EYS: variants seen among roughly 807,000 people sequenced by gnomAD.
EYS encodes the protein protein eyes shut homolog.
EYS carries 250 observed loss-of-function variants against 282.1 expected under a neutral mutation model. That is an observed-to-expected ratio of 0.89 (90% CI 0.80 to 0.98). The LOEUF (loss-of-function observed/expected upper bound fraction) is 0.98. Among genes scored for constraint, EYS ranks in the 50% least tolerant of loss-of-function variants. The probability of loss-of-function intolerance (pLI) is 0.00; values close to 1 mark genes in which losing one functional copy is unlikely to be tolerated. For missense variants in EYS, 4,016 were observed against 3,709.0 expected, an observed-to-expected ratio of 1.08 and a Z score of -2.15; for synonymous variants, 1,355 against 1,282.9, an observed-to-expected ratio of 1.06 and a Z score of -1.20.
At chr6:64,107,285 TTATATA>T (rs55756711) in intron 31 of EYS, among the ~76,000 whole-genome samples, 4,945 of 101,456 alleles carry the variant, frequency 0.049, 163 homozygotes, top group African/African-American at 0.063. Context: ...ATATATATAT[TTATATA>T]TATATATATA....
intron 12 of EYS, among the ~76,000 whole-genome samples, chr6:65,229,087 T>C (rs1387380670): frequency 6.6e-6 from 1 of 151,876 alleles, no homozygotes; most frequent in African/African-American, 2.4e-5. Flanking sequence ...GCAAAGAAAC[T>C]GGTAGAAGAA....
At chr6:65,665,673 T>C (rs1768172144) in intron 1 of EYS, among the ~76,000 whole-genome samples, 2 of 152,084 alleles carry the variant, frequency 1.3e-5, no homozygotes, top group South Asian at 4.1e-4. Flanking sequence ...AATTAATAGA[T>C]TCTTAAATAA....
intron 30 of EYS, among the ~76,000 whole-genome samples, chr6:64,243,807 A>G (rs533241864): frequency 5.3e-5 from 8 of 152,212 alleles, no homozygotes; most frequent in Non-Finnish European, 8.8e-5. Context: ...TACATGATGT[A>G]ACTCAGGAAT....
At chr6:63,970,792 A>C (rs1170086413) in intron 35 of EYS, among the ~76,000 whole-genome samples, 4 of 152,128 alleles carry the variant, frequency 2.6e-5, no homozygotes, top group African/African-American at 9.7e-5. Context: ...CTTCATTTTA[A>C]TCCACTTATT....
intron 30 of EYS, among the ~76,000 whole-genome samples, chr6:64,270,565 A>G (rs1767909466): frequency 6.6e-6 from 1 of 152,216 alleles, no homozygotes; most frequent in African/African-American, 2.4e-5. Context: ...AAAGATTTAT[A>G]TGCGCTGATA....
At chr6:64,203,859 G>A (rs1467999433) in intron 31 of EYS, among the ~76,000 whole-genome samples, 2 of 152,072 alleles carry the variant, frequency 1.3e-5, no homozygotes, top group African/African-American at 2.4e-5. Flanking sequence ...CAAGTACTTT[G>A]AGGGAGAACA....
chr6:65,699,765 C>T (rs183178322), intron 1 of EYS, among the ~76,000 whole-genome samples: 3 of 152,194 alleles, frequency 2.0e-5, no homozygotes, highest in East Asian at 3.9e-4. Flanking sequence ...TAATCAAAGT[C>T]TTATTAATGA....
At chr6:65,145,259 A>G (rs7754240) in intron 12 of EYS, among the ~76,000 whole-genome samples, 18,269 of 152,068 alleles carry the variant, frequency 0.12, 1,427 homozygotes, top group African/African-American at 0.22. Context: ...ATCGAAGAAT[A>G]TTATGAATTT....
chr6:65,306,811 C>A (rs1247277935), intron 11 of EYS, among the ~76,000 whole-genome samples: 6 of 78,298 alleles, frequency 7.7e-5, no homozygotes, highest in Non-Finnish European at 1.4e-4. Context: ...CCAGCCTGGG[C>A]AGCAGAGCAA....
intron 12 of EYS, among the ~76,000 whole-genome samples, chr6:65,072,681 A>C (rs1773934238): frequency 1.3e-5 from 2 of 151,884 alleles, no homozygotes; most frequent in Admixed American, 1.3e-4. Context: ...ACAAAATACC[A>C]ATTAGAATAC....
At chr6:65,049,065 A>G (rs1773190530) in intron 13 of EYS, among the ~76,000 whole-genome samples, 1 of 151,896 alleles carries the variant, frequency 6.6e-6, no homozygotes, top group African/African-American at 2.4e-5. Context: ...TTTACTATCT[A>G]TATGTATCCC....
At chr6:65,450,610 C>T (rs1764364321) in intron 5 of EYS, among the ~76,000 whole-genome samples, 2 of 152,094 alleles carry the variant, frequency 1.3e-5, no homozygotes, top group African/African-American at 2.4e-5. Context: ...TATATCCCTC[C>T]CTCTTTCAGT....
chr6:64,317,824 A>G (rs944068320), intron 29 of EYS, among the ~76,000 whole-genome samples: 1 of 152,202 alleles, frequency 6.6e-6, no homozygotes, highest in Non-Finnish European at 1.5e-5. Context: ...TGTGGCACAT[A>G]TAAACCATGG....
In EYS at chr6:64,701,282, A is replaced by G. The variant is rs575380338; in HGVS notation, c.3444-75037T>C. On this transcript the variant is annotated intron_variant, in intron 22 of 42. Transcript: ENST00000503581. ...CCATAAAAATACTAAAAGAAAACTT[A>G]AAAGAAATCTTGGATATTTGCCTAG... Among the ~76,000 whole-genome samples, 20 of 152,284 alleles carry G rather than the reference A, an allele frequency of 1.3e-4. No homozygotes were observed. In the South Asian group the frequency reaches 3.5e-3, roughly 27 times the overall value.
At chr6:64,808,572 C>A (rs1764505219) in intron 22 of EYS, among the ~76,000 whole-genome samples, 1 of 151,876 alleles carries the variant, frequency 6.6e-6, no homozygotes, top group African/African-American at 2.4e-5. Flanking sequence ...GAACGTTAGA[C>A]AAGACCACTG....
chr6:64,243,027 A>G (rs1766886719), intron 30 of EYS, among the ~76,000 whole-genome samples: 1 of 147,346 alleles, frequency 6.8e-6, no homozygotes, highest in African/African-American at 2.5e-5. Context: ...TATTAAGTAT[A>G]ATAAATATAA....
chr6:64,328,612 T>C (rs944258786), intron 29 of EYS, among the ~76,000 whole-genome samples: 2 of 152,148 alleles, frequency 1.3e-5, no homozygotes, highest in Non-Finnish European at 1.5e-5. Context: ...CAAGGAGACA[T>C]AAAGCGAAAG....
At chr6:64,392,817 C>G (rs2150429158) in intron 28 of EYS, among the ~76,000 whole-genome samples, 1 of 151,314 alleles carries the variant, frequency 6.6e-6, no homozygotes, top group South Asian at 2.1e-4. Flanking sequence ...AAAAACCCTT[C>G]AAAAAATTAA....
At chr6:65,129,853 C>T (rs945643820) in intron 12 of EYS, among the ~76,000 whole-genome samples, 1 of 151,846 alleles carries the variant, frequency 6.6e-6, no homozygotes, top group African/African-American at 2.4e-5. Flanking sequence ...AAGACACATG[C>T]ACCTGTATGT....
Sources: gnomAD v4.1 joint callset for allele counts (sites outside exome capture counted in the v4.1 genomes callset) on GRCh38, gnomAD v4.1.1 for gene constraint, MANE v1.5 for transcripts, NCBI Gene and HGNC (gene_info 2026-07-23, HGNC 2026-07-21) for gene names.